The following MPDZ variants were observed in gnomAD, a reference collection of about 807,000 sequenced individuals.
MPDZ encodes multiple PDZ domain crumbs cell polarity complex component, also known as multiple PDZ domain protein.
Under a neutral mutation model 239.1 loss-of-function variants are expected in MPDZ, and 234 were observed. The observed-to-expected ratio is 0.98, with a 90% confidence interval of 0.88 to 1.09. MPDZ has a LOEUF of 1.09. MPDZ is among the 50% of genes least tolerant of loss of function. The pLI, the probability that MPDZ is intolerant of heterozygous loss-of-function variation, is 0.00. For missense variants in MPDZ, 3,175 were observed against 2,510.0 expected (o/e 1.26, Z -5.66); for synonymous variants, 1,048 against 881.3 (o/e 1.19, Z -3.35).
chr9:13,115,359 T>G lies in MPDZ; in HGVS notation c.5380-25A>C, dbSNP rs777815247. 6.4e-6 allele frequency: 10 copies of G among 1,565,876 alleles called. No individual in the cohort carries two copies. The South Asian group carries it at 6.7e-5, about 10-fold the overall frequency. On this transcript the variant is annotated intron_variant, in intron 39 of 46. Coordinates refer to ENST00000319217, the MANE Select transcript of MPDZ (RefSeq NM_001378778.1). ...ACTGGGGGTGGGCATGGGGGGTGTTTTATGGAAATGTTTAAATAAAATGCT... is the reference window on the plus strand; with the variant it reads ...ACTGGGGGTGGGCATGGGGGGTGTTGTATGGAAATGTTTAAATAAAATGCT...
chr9:13,128,033 T>A (rs1011869213), intron 32 of MPDZ, among the ~76,000 whole-genome samples: 2 of 152,164 alleles, frequency 1.3e-5, no homozygotes, highest in African/African-American at 2.4e-5. Flanking sequence ...TACCCCTCTA[T>A]AAAAATTGAT....
intron 31 of MPDZ, chr9:13,135,224 A>T (rs983585601): frequency 2.6e-5 from 4 of 152,214 alleles, no homozygotes; most frequent in African/African-American, 4.8e-5. Context: ...GATATCTGAA[A>T]ACCTTGTATA....
At chr9:13,224,232 TA>T in intron 4 of MPDZ, 141 bp downstream of exon 4, 2 of 709,762 alleles carry the variant, frequency 2.8e-6, no homozygotes, top group Non-Finnish European at 4.5e-6. Context: ...CTGAACCATC[TA>T]AACTCCCACA....
At chr9:13,223,522 C>A in intron 5 of MPDZ, 49 bp downstream of exon 5, 2 of 1,549,590 alleles carry the variant, frequency 1.3e-6, no homozygotes, top group Non-Finnish European at 8.7e-7. Flanking sequence ...GTAACCAAAA[C>A]CTTCAGAATG....
intron 4 of MPDZ, 82 bp downstream of exon 4, chr9:13,224,292 A>G: frequency 2.3e-6 from 3 of 1,279,920 alleles, no homozygotes; most frequent in Non-Finnish European, 3.3e-6. Context: ...ATGTCACTAT[A>G]TTCTTCAAAT....
rs12236931 is a variant in MPDZ at position 13,234,796 on chromosome 9, C to T, written c.184-10213G>A. 1.5e-4 allele frequency among the ~76,000 whole-genome samples: 21 copies of T among 138,404 alleles called. No homozygotes were observed. In the East Asian group the frequency reaches 3.2e-3, roughly 21 times the overall value. 90.8% of individuals were successfully genotyped at this position (138,404 alleles called of 152,430 possible). The stretch of plus-strand genomic sequence containing the variant: ...TCTTCAGGGAATTTGCTGTAACAGA[C>T]GCACCTCTTAGAAATGCAGAATTTT... On this transcript the variant is annotated intron_variant, in intron 3 of 46. Coordinates refer to ENST00000319217, the MANE Select transcript of MPDZ (RefSeq NM_001378778.1).
At chr9:13,168,077 CTG>C (rs1295184730) in intron 22 of MPDZ, among the ~76,000 whole-genome samples, 2 of 152,102 alleles carry the variant, frequency 1.3e-5, no homozygotes, top group Non-Finnish European at 2.9e-5. Context: ...CCCTCTTGCT[CTG>C]TGAGAATCAT....
intron 1 of MPDZ, among the ~76,000 whole-genome samples, chr9:13,254,621 C>T (rs1968970453): frequency 6.6e-6 from 1 of 152,062 alleles, no homozygotes; most frequent in Non-Finnish European, 1.5e-5. Context: ...AGGATCAGTT[C>T]CAGACCACTG....
intron 27 of MPDZ, among the ~76,000 whole-genome samples, 190 bp from the exon 28 acceptor site, chr9:13,140,339 A>G (rs1229787227): frequency 6.8e-6 from 1 of 147,980 alleles, no homozygotes; most frequent in Non-Finnish European, 1.5e-5. Context: ...ATATATATAT[A>G]TAATACCTAA....
rs1292368033 is a variant in MPDZ, at chr9:13,168,413, C to T, written c.3207G>A (p.Gln1069=). ...AATGTCTTCTCAACATAGCTCGTGCCTGGGCATTGGTTACACTGATGGTAG... is the reference window on the plus strand; with the variant it reads ...AATGTCTTCTCAACATAGCTCGTGCTTGGGCATTGGTTACACTGATGGTAG... ...EESTISVTNA[Q]ARAMLRRHSL... Residue 1069 remains glutamine (Q), a synonymous_variant, in exon 22 of 47, where the codon CAG becomes CAA. Transcript: ENST00000319217. 1 of 1,613,488 alleles carries T rather than the reference C, an allele frequency of 6.2e-7. No homozygotes were observed. Among genetic ancestry groups the T allele is most frequent in the Admixed American group, 1.7e-5 (1 of 59,972 alleles).
chr9:13,262,600 T>C (rs533768286), intron 1 of MPDZ, among the ~76,000 whole-genome samples: 1 of 150,898 alleles, frequency 6.6e-6, no homozygotes, highest in South Asian at 2.1e-4. Context: ...CTATATAATA[T>C]ATACACCAAG....
rs151129442 is a variant in MPDZ at position 13,110,356 on chromosome 9, T to C, written c.5829+280A>G. 3.5e-3 allele frequency among the ~76,000 whole-genome samples: 530 copies of C among 152,280 alleles called. 6 individuals are homozygous for C. The highest frequency in any genetic ancestry group is 0.012 in the African/African-American group (518 of 41,566). ...TAAAGATCTTTAGAATATAAGCCAC[T>C]TGCTAGCACCACTTAAAATTCCAGC... On this transcript the variant is annotated intron_variant, in intron 44 of 46. Coordinates refer to ENST00000319217, the MANE Select transcript of MPDZ (RefSeq NM_001378778.1).
intron 19 of MPDZ, among the ~76,000 whole-genome samples, chr9:13,182,900 T>C (rs912449437): frequency 8.5e-5 from 13 of 152,168 alleles, no homozygotes; most frequent in African/African-American, 3.1e-4. Flanking sequence ...TCCAGTGACA[T>C]AAACATAATT....
At chr9:13,278,362 G>A (rs905674036) in intron 1 of MPDZ, among the ~76,000 whole-genome samples, 1 of 152,110 alleles carries the variant, frequency 6.6e-6, no homozygotes, top group Non-Finnish European at 1.5e-5. Flanking sequence ...GCGCAGTAGA[G>A]GTCTCCAGGG....
chr9:13,205,190 A>T (rs1956854538), intron 11 of MPDZ, 83 bp from the exon 12 acceptor site: 2 of 674,410 alleles, frequency 3.0e-6, no homozygotes, highest in Admixed American at 3.8e-5. Context: ...TATTTATTTG[A>T]ACTCCTACAT....
chr9:13,187,185 T>C (rs1232761617), intron 17 of MPDZ, among the ~76,000 whole-genome samples: 1 of 152,144 alleles, frequency 6.6e-6, no homozygotes, highest in Non-Finnish European at 1.5e-5. Flanking sequence ...GTGAGTTTAG[T>C]ATTTATTAAG....
chr9:13,170,047 C>T (rs902350698), intron 21 of MPDZ, among the ~76,000 whole-genome samples: 1 of 151,992 alleles, frequency 6.6e-6, no homozygotes, highest in African/African-American at 2.4e-5. Flanking sequence ...TGAAACTTTG[C>T]AAAAATAATG....
intron 17 of MPDZ, among the ~76,000 whole-genome samples, chr9:13,187,141 G>A (rs1186728590): frequency 6.6e-6 from 1 of 151,992 alleles, no homozygotes; most frequent in Non-Finnish European, 1.5e-5. Flanking sequence ...AATTATAGGG[G>A]AAAAGAAACT....
At chr9:13,122,377 T>C (rs1944481699) in intron 36 of MPDZ, among the ~76,000 whole-genome samples, 1 of 152,158 alleles carries the variant, frequency 6.6e-6, no homozygotes, top group African/African-American at 2.4e-5. Context: ...TTTTTCCTAA[T>C]GATAGAGAAG....
Sources: gnomAD v4.1 joint callset for allele counts (sites outside exome capture counted in the v4.1 genomes callset) on GRCh38, gnomAD v4.1.1 for gene constraint, MANE v1.5 for transcripts, NCBI Gene and HGNC (gene_info 2026-07-23, HGNC 2026-07-21) for gene names.